The following FXN variants were observed in gnomAD, a reference collection of about 807,000 sequenced individuals.
FXN encodes the protein frataxin, mitochondrial.
In FXN, 14 loss-of-function variants were observed where a neutral mutation model predicts 22.4. The ratio of observed to expected loss-of-function variants is 0.62; its 90% CI spans 0.41 to 0.98. The LOEUF is 0.98. Ranked by LOEUF, FXN falls within the 50% of genes least tolerant of loss-of-function variation. The pLI, the probability that FXN is intolerant of heterozygous loss-of-function variation, is 0.00. For synonymous variants in FXN, 120 were observed against 114.1 expected (o/e 1.05, Z -0.33); for missense variants, 267 against 268.4 (o/e 0.99, Z 0.04).
intron 1 of FXN, among the ~76,000 whole-genome samples, chr9:69,040,089 A>G (rs1285906724): frequency 1.3e-5 from 2 of 152,220 alleles, no homozygotes; most frequent in Non-Finnish European, 2.9e-5. Flanking sequence ...ATACTGCCAC[A>G]TCGGGAATTA....
chr9:69,047,725 T>TC (rs1491120173), intron 2 of FXN, among the ~76,000 whole-genome samples: 1 of 147,422 alleles, frequency 6.8e-6, no homozygotes. Context: ...TCTCTCTCTC[T>TC]TTTTTTTTCT....
At position 69,035,771 on chromosome 9, in the gene FXN, A is replaced by G; in HGVS notation, c.-12A>G. The G allele has an allele frequency of 6.7e-7, 1 of 1,499,912 alleles. No individual in the cohort carries two copies. Among genetic ancestry groups the G allele is most frequent in the Middle Eastern group, 2.3e-4 (1 of 4,276 alleles). The allele number at this position is 1,499,912 out of a possible 1,614,324, so 92.9% of individuals were successfully genotyped here. The stretch of plus-strand genomic sequence containing the variant: ...CGCTGGAGGGCGGAGCGGGCGGCAG[A>G]CCCGGAGCAGCATGTGGACTCTCGG... On this transcript the variant is annotated 5_prime_UTR_variant, in exon 1 of 5. Transcript: ENST00000484259.
chr9:69,046,321 T>C (rs1208370822), intron 1 of FXN, 64 bp from the exon 2 acceptor site: 2 of 1,167,788 alleles, frequency 1.7e-6, no homozygotes, highest in Non-Finnish European at 2.6e-6. Flanking sequence ...AATATATAAA[T>C]TATGCATTAA....
At position 69,072,787 on chromosome 9, in the gene FXN, TA is replaced by T; in HGVS notation, c.*29del. The T allele has an allele frequency of 6.2e-7, 1 of 1,614,032 alleles. No individual in the cohort carries two copies. On this transcript the variant is annotated 3_prime_UTR_variant, in exon 5 of 5. Coordinates refer to ENST00000484259, the MANE Select transcript of FXN (RefSeq NM_000144.5). ...ATGCCCAGCCCCGTTTTAAGGACAT[TA>T]AAAGCTATCAGGCCAAGACCCCAGC...
intron 1 of FXN, among the ~76,000 whole-genome samples, chr9:69,041,293 T>A (rs1040270782): frequency 5.9e-5 from 9 of 152,250 alleles, no homozygotes; most frequent in African/African-American, 1.9e-4. Context: ...TTGCCCCTTT[T>A]GTTCAACACT....
chr9:69,076,476 G>T lies in FXN; in HGVS notation c.*3714G>T. ...CTGATTCCCTGGAACCATTTATCGT[G>T]TGCCTTACCATGCTTATATTTTACT... On this transcript the variant is annotated 3_prime_UTR_variant, in exon 5 of 5. Transcript: ENST00000484259. 1.0e-6 allele frequency: 1 copy of T among 985,332 alleles called. No individual in the cohort carries two copies. 61.0% of individuals were successfully genotyped at this position (985,332 alleles called of 1,614,324 possible).
chr9:69,072,651 G>C lies in FXN; in HGVS notation c.522G>C (p.Val174=). The part of the protein sequence containing the change: ...KRYDWTGKNW[V]YSHDGVSLHE... ...ATGACTGGACTGGGAAAAACTGGGT[G>C]TACTCCCACGACGGCGTGTCCCTCC... is the stretch of plus-strand genomic sequence containing the variant. The change falls in exon 5 of 5, where the codon GTG becomes GTC. Residue 174 remains valine (V), a synonymous_variant. Transcript: ENST00000484259. The C allele has an allele frequency of 4.3e-6, 7 of 1,614,120 alleles. No individual in the cohort carries two copies. Among genetic ancestry groups the C allele is most frequent in the Non-Finnish European group, 5.9e-6 (7 of 1,180,030 alleles).
chr9:69,066,337 C>A (rs3793467), intron 4 of FXN, among the ~76,000 whole-genome samples: 87,732 of 152,028 alleles, frequency 0.58, 25,532 homozygotes, highest in East Asian at 0.65. Context: ...TTAATATTTT[C>A]CCATTTATTA....
rs1452715545 is a variant in FXN at position 69,074,012 on chromosome 9, C to T, written c.*1250C>T. ...CAGCCTGGCCAACATGATGAAACCC[C>T]GTCTCTACTAAAAATACAAAAAATT... On this transcript the variant is annotated 3_prime_UTR_variant, in exon 5 of 5. Transcript: ENST00000484259. The T allele has an allele frequency of 1.6e-5, 6 of 377,344 alleles. No homozygotes were observed. Among genetic ancestry groups the T allele is most frequent in the Admixed American group, 1.3e-4 (2 of 15,490 alleles). 23.4% of individuals were successfully genotyped at this position (377,344 alleles called of 1,614,324 possible).
intron 3 of FXN, among the ~76,000 whole-genome samples, chr9:69,055,446 G>T (rs1400911671): frequency 2.0e-5 from 3 of 151,842 alleles, no homozygotes; most frequent in Non-Finnish European, 4.4e-5. Context: ...TTTGTTAGAA[G>T]CAAATGTGCC....
At position 69,073,367 on chromosome 9, in the gene FXN, A is replaced by C; in HGVS notation, c.*605A>C. ...TGCACTGGGTTGTCCAGGGAGACCTAGTGCTGTTTCTCCCACATATTCACA... is the reference window on the plus strand; with the variant it reads ...TGCACTGGGTTGTCCAGGGAGACCTCGTGCTGTTTCTCCCACATATTCACA... On this transcript the variant is annotated 3_prime_UTR_variant, in exon 5 of 5. Transcript: ENST00000484259. 1 of 987,696 alleles carries C rather than the reference A, an allele frequency of 1.0e-6. No homozygotes were observed. The highest frequency in any genetic ancestry group is 1.2e-6 in the Non-Finnish European group (1 of 831,462). 61.2% of individuals were successfully genotyped at this position (987,696 alleles called of 1,614,324 possible). A position where few individuals can be genotyped will look rare whatever the true frequency, so the allele number is the denominator to read the frequency against.
At position 69,073,567 on chromosome 9, in the gene FXN, C is replaced by G; in HGVS notation, c.*805C>G. On this transcript the variant is annotated 3_prime_UTR_variant, in exon 5 of 5. Coordinates refer to ENST00000484259, the MANE Select transcript of FXN (RefSeq NM_000144.5). ...TGGAGCTGAGGAGGTGCCTTGTAAA[C>G]ATGAAGGGGCAGATAAAGGAAGGAG... 1 of 985,358 alleles carries G rather than the reference C, an allele frequency of 1.0e-6. No individual in the cohort carries two copies. The highest frequency in any genetic ancestry group is 1.2e-6 in the Non-Finnish European group (1 of 829,940). 61.0% of individuals were successfully genotyped at this position (985,358 alleles called of 1,614,324 possible).
chr9:69,072,663 C>A lies in FXN; in HGVS notation c.534C>A (p.Asp178Glu), dbSNP rs61754561. The A allele has an allele frequency of 4.3e-6, 7 of 1,614,146 alleles. No individual in the cohort carries two copies. Among genetic ancestry groups the A allele is most frequent in the Non-Finnish European group, 5.9e-6 (7 of 1,180,036 alleles). Reference sequence around the variant, plus strand: ...GGAAAAACTGGGTGTACTCCCACGACGGCGTGTCCCTCCATGAGCTGCTGG... The same window carrying A: ...GGAAAAACTGGGTGTACTCCCACGAAGGCGTGTCCCTCCATGAGCTGCTGG... ...WTGKNWVYSHDGVSLHELLAA... is the reference protein window; with the variant it reads ...WTGKNWVYSHEGVSLHELLAA... The change falls in exon 5 of 5, where the codon GAC (aspartate) becomes GAA (glutamate). Residue 178 changes from aspartate (D) to glutamate (E), a missense_variant. Physicochemically the swap from Asp to Glu is conservative, Grantham distance 45 (BLOSUM62 2). Transcript: ENST00000484259.
rs1423334866 is a variant in FXN, at chr9:69,073,738, C to T, written c.*976C>T. 2 of 985,252 alleles carry T rather than the reference C, an allele frequency of 2.0e-6. No homozygotes were observed. The highest frequency in any genetic ancestry group is 2.4e-6 in the Non-Finnish European group (2 of 829,930). The allele number at this position is 985,252 out of a possible 1,614,324, so 61.0% of individuals were successfully genotyped here. ...AGAATAGAGTATGGTTGATTCCCAGCATTCAGTGGTCCTGTCAAGCAACCT... is the reference window on the plus strand; with the variant it reads ...AGAATAGAGTATGGTTGATTCCCAGTATTCAGTGGTCCTGTCAAGCAACCT... On this transcript the variant is annotated 3_prime_UTR_variant, in exon 5 of 5. Coordinates refer to ENST00000484259, the MANE Select transcript of FXN (RefSeq NM_000144.5).
At position 69,078,142 on chromosome 9, in the gene FXN, G is replaced by T; in HGVS notation, c.*5380G>T. On this transcript the variant is annotated 3_prime_UTR_variant, in exon 5 of 5. Transcript: ENST00000484259. ...AAGCTCAAAAGTAATAGAAACAGATGAGTTTGGAGTCAGGATTTCTCTGTA... is the reference window on the plus strand; with the variant it reads ...AAGCTCAAAAGTAATAGAAACAGATTAGTTTGGAGTCAGGATTTCTCTGTA... 1 of 985,298 alleles carries T rather than the reference G, an allele frequency of 1.0e-6. No homozygotes were observed. Among genetic ancestry groups the T allele is most frequent in the Non-Finnish European group, 1.2e-6 (1 of 829,914 alleles). The allele number at this position is 985,298 out of a possible 1,614,324, so 61.0% of individuals were successfully genotyped here. A position where few individuals can be genotyped will look rare whatever the true frequency, so the allele number is the denominator to read the frequency against.
In FXN at chr9:69,078,547, C is replaced by G; in HGVS notation, c.*5785C>G. On this transcript the variant is annotated 3_prime_UTR_variant, in exon 5 of 5. Coordinates refer to ENST00000484259, the MANE Select transcript of FXN (RefSeq NM_000144.5). ...CCTAAGCAGGACCAAGGCCAAGTTT[C>G]TTAGCCTGAAAAATGTGCTTTTCTG... 1.0e-6 allele frequency: 1 copy of G among 985,596 alleles called. No homozygotes were observed. The highest frequency in any genetic ancestry group is 1.2e-6 in the Non-Finnish European group (1 of 829,950). The allele number at this position is 985,596 out of a possible 1,614,324, so 61.1% of individuals were successfully genotyped here.
intron 3 of FXN, among the ~76,000 whole-genome samples, chr9:69,056,399 CAT>C (rs1831959681): frequency 6.6e-6 from 1 of 152,198 alleles, no homozygotes; most frequent in South Asian, 2.1e-4. Flanking sequence ...AATATGCACA[CAT>C]GTGGAGTAAG....
intron 4 of FXN, among the ~76,000 whole-genome samples, chr9:69,071,688 A>T (rs1273458415): frequency 1.3e-5 from 2 of 152,354 alleles, no homozygotes; most frequent in Middle Eastern, 3.4e-3. Flanking sequence ...TCTCAATGTC[A>T]TGAATTTAAC....
chr9:69,064,181 T>C (rs557181580), intron 3 of FXN, among the ~76,000 whole-genome samples: 2 of 152,308 alleles, frequency 1.3e-5, no homozygotes, highest in African/African-American at 4.8e-5. Context: ...CTTTCATATC[T>C]CACCCATTCT....
Sources: allele counts gnomAD v4.1 joint callset (sites outside exome capture counted in the v4.1 genomes callset), GRCh38; gene constraint gnomAD v4.1.1; transcripts MANE v1.5; gene names NCBI Gene and HGNC (gene_info 2026-07-23, HGNC 2026-07-21).